Variants in PALS1 observed in about 807,000 individuals in gnomAD.
The protein encoded by PALS1 is protein PALS1.
Under a neutral mutation model 78.9 loss-of-function variants are expected in PALS1, and 31 were observed. The ratio of observed to expected loss-of-function variants is 0.39; its 90% CI spans 0.30 to 0.53. The LOEUF (loss-of-function observed/expected upper bound fraction) is 0.53. PALS1 is among the 20% of genes least tolerant of loss of function. The pLI, the probability that PALS1 is intolerant of heterozygous loss-of-function variation, is 0.67. For synonymous variants in PALS1, 276 were observed against 270.9 expected (o/e 1.02, Z -0.18); for missense variants, 704 against 826.5 (o/e 0.85, Z 1.82).
At chr14:67,296,338 C>T (rs993066173) in intron 4 of PALS1, among the ~76,000 whole-genome samples, 3 of 152,042 alleles carry the variant, frequency 2.0e-5, no homozygotes, top group East Asian at 1.9e-4. Flanking sequence ...CAGTGGCTCA[C>T]GCCTGTAATC....
At chr14:67,300,127 A>T (rs539607489) in intron 4 of PALS1, among the ~76,000 whole-genome samples, 308 of 152,158 alleles carry the variant, frequency 2.0e-3, no homozygotes, top group African/African-American at 7.0e-3. Flanking sequence ...TACATATGGA[A>T]CTCTACAATT....
chr14:67,282,349 C>T (rs2084618955), intron 3 of PALS1, among the ~76,000 whole-genome samples: 1 of 152,030 alleles, frequency 6.6e-6, no homozygotes, highest in South Asian at 2.1e-4. Context: ...GAAACAGCAA[C>T]CTTATTTTAA....
At chr14:67,295,612 T>C (rs1351212316) in intron 4 of PALS1, among the ~76,000 whole-genome samples, 2 of 151,940 alleles carry the variant, frequency 1.3e-5, no homozygotes, top group Non-Finnish European at 2.9e-5. Context: ...AAAAGATAAC[T>C]AGGCATCATT....
intron 9 of PALS1, among the ~76,000 whole-genome samples, chr14:67,315,071 G>GT (rs1321271463): frequency 6.6e-6 from 1 of 152,040 alleles, no homozygotes; most frequent in Non-Finnish European, 1.5e-5. Flanking sequence ...TCACACCAGT[G>GT]TAACAGAGCA....
Position 67,279,462 on chromosome 14 carries a change from G to T in PALS1, c.292G>T (p.Gly98Ter). ...KKLAQIPPKT[G>*]IDNPMFDTEE... is the part of the protein sequence containing the mutation. ...ACTAGCCCAAATTCCTCCAAAGACC[G>T]GAATAGATAACCCTATGTTTGATAC... The change falls in exon 3 of 15, where the codon GGA becomes TGA. Residue 98 changes from glycine to a stop codon, truncating the protein, a stop_gained. Coordinates refer to ENST00000261681, the MANE Select transcript of PALS1 (RefSeq NM_022474.4). LOFTEE classifies it high-confidence loss of function. 6.2e-7 allele frequency: 1 copy of T among 1,611,588 alleles called. No individual in the cohort carries two copies.
At chr14:67,281,810 AT>A (rs11411680) in intron 3 of PALS1, among the ~76,000 whole-genome samples, 45 of 146,774 alleles carry the variant, frequency 3.1e-4, no homozygotes, top group Non-Finnish European at 2.3e-4. Context: ...ATTTCTCTTA[AT>A]TTTTTTTTTT....
intron 3 of PALS1, among the ~76,000 whole-genome samples, chr14:67,280,903 CTT>C (rs1190959272): frequency 2.1e-5 from 2 of 93,480 alleles, no homozygotes; most frequent in Non-Finnish European, 2.2e-5. Flanking sequence ...TTCTTTCTTT[CTT>C]TTTTTTTTTG....
chr14:67,280,058 A>T (rs2084581174), intron 3 of PALS1: 1 of 152,226 alleles, frequency 6.6e-6, no homozygotes, highest in Non-Finnish European at 1.5e-5. Flanking sequence ...GGGGAAAAAA[A>T]GTCCTATGAG....
At chr14:67,295,319 T>C (rs961828855) in intron 4 of PALS1, among the ~76,000 whole-genome samples, 1 of 151,442 alleles carries the variant, frequency 6.6e-6, no homozygotes, top group Non-Finnish European at 1.5e-5. Context: ...ACCTGGTCTC[T>C]ACTAAAAAAA....
intron 1 of PALS1, among the ~76,000 whole-genome samples, chr14:67,248,759 C>G (rs2084021728): frequency 2.0e-5 from 3 of 152,100 alleles, no homozygotes; most frequent in African/African-American, 7.2e-5. Context: ...TCCAATAAAA[C>G]TTTACTTATA....
intron 2 of PALS1, among the ~76,000 whole-genome samples, chr14:67,276,351 A>G (rs1365192097): frequency 6.6e-6 from 1 of 151,944 alleles, no homozygotes; most frequent in Non-Finnish European, 1.5e-5. Context: ...CTTCCTTCCT[A>G]TTGGTCATGT....
At chr14:67,277,450 T>C (rs1248152187) in intron 2 of PALS1, among the ~76,000 whole-genome samples, 1 of 152,200 alleles carries the variant, frequency 6.6e-6, no homozygotes, top group Non-Finnish European at 1.5e-5. Context: ...CCCAAGATGT[T>C]TGAGAAAAGA....
intron 3 of PALS1, among the ~76,000 whole-genome samples, chr14:67,286,659 C>G (rs544947005): frequency 4.6e-5 from 7 of 150,596 alleles, no homozygotes; most frequent in Admixed American, 1.3e-4. Context: ...AGTTGCAGAT[C>G]AGCCTGGGCA....
intron 4 of PALS1, among the ~76,000 whole-genome samples, chr14:67,293,662 G>A (rs561559871): frequency 2.0e-4 from 31 of 152,252 alleles, no homozygotes; most frequent in African/African-American, 6.5e-4. Context: ...ATTCACACAT[G>A]TAGGCAATTC....
intron 9 of PALS1, among the ~76,000 whole-genome samples, chr14:67,314,060 T>G (rs761535837): frequency 2.0e-5 from 3 of 152,180 alleles, no homozygotes; most frequent in Non-Finnish European, 2.9e-5. Flanking sequence ...TCTGGCCTTA[T>G]CTTTTATCTA....
chr14:67,265,366 G>A (rs1375783970), intron 1 of PALS1, among the ~76,000 whole-genome samples: 1 of 152,060 alleles, frequency 6.6e-6, no homozygotes, highest in African/African-American at 2.4e-5. Context: ...AGACCAGACT[G>A]GGCAACATAC....
At chr14:67,243,489 ATT>A (rs55985752) in intron 1 of PALS1, among the ~76,000 whole-genome samples, 1,328 of 100,262 alleles carry the variant, frequency 0.013, 16 homozygotes, top group African/African-American at 0.047. Flanking sequence ...CCAGAATATA[ATT>A]TTTTTTTTTT....
chr14:67,286,906 G>A (rs1401669272), intron 3 of PALS1, among the ~76,000 whole-genome samples: 1 of 148,554 alleles, frequency 6.7e-6, no homozygotes, highest in Non-Finnish European at 1.5e-5. Flanking sequence ...ATACGTATTT[G>A]TGAAGTGCTT....
chr14:67,254,918 A>G (rs1451564959), intron 1 of PALS1, among the ~76,000 whole-genome samples: 1 of 152,264 alleles, frequency 6.6e-6, no homozygotes, highest in Non-Finnish European at 1.5e-5. Context: ...TGGGAGGCCA[A>G]GGCGGGCAGA....
Sources: gnomAD v4.1 joint callset for allele counts (sites outside exome capture counted in the v4.1 genomes callset) on GRCh38, gnomAD v4.1.1 for gene constraint, MANE v1.5 for transcripts, NCBI Gene and HGNC (gene_info 2026-07-23, HGNC 2026-07-21) for gene names.